The following MIB1 variants were observed in gnomAD, a reference collection of about 807,000 sequenced individuals.
MIB1 encodes MIB E3 ubiquitin protein ligase 1.
A neutral mutation model predicts 124.5 loss-of-function variants in MIB1; 278 were observed. The observed-to-expected ratio is 2.23, with a 90% CI of 2.02 to 2.47. MIB1 has a LOEUF of 2.47. MIB1 is among the 30% of genes most tolerant of loss of function. The probability of loss-of-function intolerance (pLI) is 0.00; values close to 1 mark genes in which losing one functional copy is unlikely to be tolerated. For missense variants in MIB1, 957 were observed against 1,254.4 expected (o/e 0.76, Z 3.58); for synonymous variants, 446 against 429.4 (o/e 1.04, Z -0.48).
At chr18:21,735,948 GCTTCA>G (rs2040795164), upstream of MIB1, among the ~76,000 whole-genome samples, 1 of 152,234 alleles carries the variant, frequency 6.6e-6, no homozygotes, top group Non-Finnish European at 1.5e-5. Flanking sequence ...TGTGGGTACA[GCTTCA>G]GCTTACTTAA....
intron 1 of MIB1, among the ~76,000 whole-genome samples, chr18:21,758,420 AC>A (rs1343942683): frequency 1.3e-5 from 2 of 152,202 alleles, no homozygotes; most frequent in African/African-American, 4.8e-5. Context: ...ACTTTTTGTT[AC>A]ATTTGATTTG....
intron 6 of MIB1, among the ~76,000 whole-genome samples, chr18:21,788,282 GA>G (rs2041459789): frequency 6.6e-6 from 1 of 152,168 alleles, no homozygotes; most frequent in Non-Finnish European, 1.5e-5. Flanking sequence ...TTGGGGAAGT[GA>G]TATTATATAG....
chr18:21,813,707 A>G (rs1351861708), intron 10 of MIB1, among the ~76,000 whole-genome samples: 3 of 152,218 alleles, frequency 2.0e-5, no homozygotes, highest in Non-Finnish European at 2.9e-5. Flanking sequence ...ATTTAAGTGC[A>G]TTTAATCATA....
intron 1 of MIB1, among the ~76,000 whole-genome samples, chr18:21,758,730 TCA>T (rs1389787877): frequency 6.6e-6 from 1 of 152,134 alleles, no homozygotes; most frequent in Non-Finnish European, 1.5e-5. Flanking sequence ...AGACAGGGTT[TCA>T]CTATGTTGGC....
intron 1 of MIB1, among the ~76,000 whole-genome samples, chr18:21,725,970 A>T (rs2040740060): frequency 6.6e-6 from 1 of 152,232 alleles, no homozygotes; most frequent in Non-Finnish European, 1.5e-5. Flanking sequence ...CTGTGAAAAC[A>T]CCCTGTCTGT....
chr18:21,765,517 A>T (rs548809987), intron 1 of MIB1, among the ~76,000 whole-genome samples: 6 of 152,338 alleles, frequency 3.9e-5, no homozygotes, highest in Non-Finnish European at 7.3e-5. Context: ...TTTGTGGATG[A>T]GAGCGAGGAA....
At chr18:21,760,600 G>T (rs929990390) in intron 1 of MIB1, among the ~76,000 whole-genome samples, 1 of 152,094 alleles carries the variant, frequency 6.6e-6, no homozygotes, top group Non-Finnish European at 1.5e-5. Context: ...ATGAATTATA[G>T]AATTTTTTTA....
intron 4 of MIB1, among the ~76,000 whole-genome samples, chr18:21,776,213 T>G (rs1371630543): frequency 2.0e-5 from 3 of 149,896 alleles, no homozygotes; most frequent in Non-Finnish European, 4.4e-5. Flanking sequence ...AGGTCGAGGC[T>G]GCAGTGAGCC....
At chr18:21,759,689 A>G (rs2041076821) in intron 1 of MIB1, among the ~76,000 whole-genome samples, 1 of 152,114 alleles carries the variant, frequency 6.6e-6, no homozygotes, top group South Asian at 2.1e-4. Flanking sequence ...TATGTTGTTT[A>G]CTTTTTACTT....
rs148332940 is a variant in MIB1, at chr18:21,722,050, C to CGTGT, written n.167+16942_167+16945dup. ...GTCTGTGATAGCTTCTTAATCTTTC[C>CGTGT]GTGTGTGTGTGTGTGTGTTTTTAAG... On this transcript the variant is annotated intron_variant and non_coding_transcript_variant, in intron 1 of 20. Coordinates refer to the MIB1 transcript ENST00000578646. Among the ~76,000 whole-genome samples the CGTGT allele has an allele frequency of 7.6e-4, 115 of 150,912 alleles. 1 individual carries two copies. The highest frequency in any genetic ancestry group is 6.2e-3 in the East Asian group (32 of 5,160).
intron 1 of MIB1, among the ~76,000 whole-genome samples, chr18:21,757,250 G>A (rs574670621): frequency 6.6e-6 from 1 of 151,526 alleles, no homozygotes; most frequent in Non-Finnish European, 1.5e-5. Context: ...TCAGGAGTTC[G>A]AGACCAGCCT....
At chr18:21,739,485 C>G (rs1281688002), upstream of MIB1, among the ~76,000 whole-genome samples, 1 of 152,080 alleles carries the variant, frequency 6.6e-6, no homozygotes. Context: ...CTGGCACAGA[C>G]ACAACAAAAA....
At chr18:21,846,860 A>G in intron 15 of MIB1, 84 bp from the exon 16 acceptor site, 1 of 1,320,986 alleles carries the variant, frequency 7.6e-7, no homozygotes, top group Non-Finnish European at 1.1e-6. Context: ...ATAAGTGTCC[A>G]CCACACACAC....
chr18:21,803,744 A>T, intron 9 of MIB1, 163 bp from the exon 10 acceptor site: 1 of 456,730 alleles, frequency 2.2e-6, no homozygotes, highest in Non-Finnish European at 3.8e-6. Context: ...CCTTCTCAAA[A>T]TTAAGAAGTC....
At chr18:21,848,648 C>T (rs1489681020) in intron 16 of MIB1, among the ~76,000 whole-genome samples, 1 of 152,092 alleles carries the variant, frequency 6.6e-6, no homozygotes, top group African/African-American at 2.4e-5. Flanking sequence ...TTCCTTGTAT[C>T]TGTGTTTACG....
intron 1 of MIB1, among the ~76,000 whole-genome samples, chr18:21,728,411 T>A (rs1163786787): frequency 2.0e-5 from 3 of 152,062 alleles, no homozygotes; most frequent in Non-Finnish European, 4.4e-5. Flanking sequence ...GAGAATTGCT[T>A]GAACCCGGGA....
rs2042167148 is a variant in MIB1 at position 21,849,887 on chromosome 18, C to T, written c.2586+499C>T. Among the ~76,000 whole-genome samples, 3 of 152,014 alleles carry T rather than the reference C, an allele frequency of 2.0e-5. No individual in the cohort carries two copies. The South Asian group carries it at 6.2e-4, about 31-fold the overall frequency. On this transcript the variant is annotated intron_variant, in intron 17 of 20. Coordinates refer to ENST00000261537, the MANE Select transcript of MIB1 (RefSeq NM_020774.4). ...CACATTCTAGATTTGATTGTTCTAT[C>T]GTGGTGTTGTTTAACTTGCTATCTT...
In MIB1 at chr18:21,858,581, G is replaced by A. The variant is rs758398751; in HGVS notation, c.2815G>A (p.Asp939Asn). The change falls in exon 20 of 21, where the codon GAT becomes AAT. Residue 939 changes from aspartate (D) to asparagine (N), a missense_variant. By Grantham distance (23) the Asp-to-Asn change is conservative. Coordinates refer to ENST00000261537, the MANE Select transcript of MIB1 (RefSeq NM_020774.4). ...TATTCCAGTATTACAAAAGGACAAG[G>A]ATAATACCAATGTCAATGCAGATGT... is the stretch of plus-strand genomic sequence containing the variant. The part of the protein sequence containing the change: ...GNIPVLQKDK[D>N]NTNVNADVQK... The A allele has an allele frequency of 6.3e-7, 1 of 1,597,762 alleles. No individual in the cohort carries two copies. Among genetic ancestry groups the A allele is most frequent in the Admixed American group, 1.7e-5 (1 of 59,916 alleles).
rs1212827521 is a variant in MIB1, at chr18:21,869,602, G to C, written c.*4936G>C. The C allele has an allele frequency of 1.3e-5, 2 of 152,456 alleles. No individual in the cohort carries two copies. Among genetic ancestry groups the C allele is most frequent in the East Asian group, 3.9e-4 (2 of 5,194 alleles). The allele number at this position is 152,456 out of a possible 1,614,324, so 9.4% of individuals were successfully genotyped here. On this transcript the variant is annotated 3_prime_UTR_variant, in exon 21 of 21. Transcript: ENST00000261537. The stretch of plus-strand genomic sequence containing the variant: ...AAGGAAGTTTTCTAGATTTGCACTT[G>C]ATGTTTGTTTTTTAAAAACTGATTA...
Sources: gnomAD v4.1 joint callset for allele counts (sites outside exome capture counted in the v4.1 genomes callset) on GRCh38, gnomAD v4.1.1 for gene constraint, MANE v1.5 for transcripts, NCBI Gene and HGNC (gene_info 2026-07-23, HGNC 2026-07-21) for gene names.